Variants in IL1RAPL2 observed in about 807,000 individuals in gnomAD.
IL1RAPL2 encodes interleukin 1 receptor accessory protein like 2.
A neutral mutation model predicts 44.1 loss-of-function variants in IL1RAPL2; 3 were observed. The observed-to-expected ratio is 0.07, with a 90% CI of 0.03 to 0.18. The LOEUF is 0.18. Among genes scored for constraint, IL1RAPL2 ranks in the 10% least tolerant of loss-of-function variants. The pLI is 1.00. For missense variants in IL1RAPL2, 391 were observed against 496.4 expected, an observed-to-expected ratio of 0.79 and a Z score of 2.02; for synonymous variants, 181 against 178.8, an observed-to-expected ratio of 1.01 and a Z score of -0.10.
intron 5 of IL1RAPL2, among the ~76,000 whole-genome samples, chrX:105,324,231 A>G (rs1326712056): frequency 9.0e-6 from 1 of 110,874 alleles, no homozygotes; most frequent in African/African-American, 3.3e-5. Context: ...GTGAATAGAA[A>G]TGGAGTACAG....
chrX:105,454,917 G>A (rs1214933758), intron 5 of IL1RAPL2, among the ~76,000 whole-genome samples: 1 of 102,093 alleles, frequency 9.8e-6, no homozygotes, highest in East Asian at 3.1e-4. Context: ...ACTGCCCACA[G>A]CCCAGACTAC....
intron 2 of IL1RAPL2, among the ~76,000 whole-genome samples, chrX:104,934,163 T>C (rs1325367508): frequency 2.7e-5 from 3 of 111,566 alleles, no homozygotes. Context: ...AAATTTTCTT[T>C]TTTGAGGAAA....
chrX:104,655,878 G>T (rs1036459828), intron 1 of IL1RAPL2, among the ~76,000 whole-genome samples: 1 of 111,268 alleles, frequency 9.0e-6, no homozygotes, highest in African/African-American at 3.3e-5. Flanking sequence ...CAGAGATTCA[G>T]CTTCTTCCTG....
chrX:104,856,599 A>C, intron 2 of IL1RAPL2, among the ~76,000 whole-genome samples: 1 of 111,868 alleles, frequency 8.9e-6, no homozygotes, highest in Middle Eastern at 4.6e-3. Context: ...ATGTATACTT[A>C]ATCCTGGAAC....
chrX:105,267,367 T>C (rs756673162), intron 4 of IL1RAPL2, 21 bp from the exon 5 acceptor site: 18 of 1,180,569 alleles, frequency 1.5e-5, no homozygotes, highest in Non-Finnish European at 1.7e-5. Context: ...TTTTGCTTAC[T>C]TGCAAATATT....
At chrX:104,960,342 TAGAG>T (rs750085962) in intron 2 of IL1RAPL2, among the ~76,000 whole-genome samples, 2 of 111,913 alleles carry the variant, frequency 1.8e-5, no homozygotes, top group East Asian at 5.7e-4. Flanking sequence ...AAAACAGACA[TAGAG>T]AGGTTAACTG....
intron 6 of IL1RAPL2, among the ~76,000 whole-genome samples, chrX:105,546,630 T>A (rs1201704530): frequency 9.0e-6 from 1 of 111,358 alleles, no homozygotes; most frequent in Non-Finnish European, 1.9e-5. Flanking sequence ...TCTAGGAGGA[T>A]CTGCTGAAAA....
chrX:105,046,821 CTT>C (rs5903258), intron 2 of IL1RAPL2, among the ~76,000 whole-genome samples: 2 of 76,831 alleles, frequency 2.6e-5, no homozygotes, highest in Non-Finnish European at 2.4e-5. Context: ...AAGCACTAAC[CTT>C]TTTTTTTTTT....
intron 2 of IL1RAPL2, among the ~76,000 whole-genome samples, chrX:104,670,550 A>G (rs999123188): frequency 4.7e-5 from 5 of 107,068 alleles, no homozygotes; most frequent in African/African-American, 1.7e-4. Context: ...CAACAAGTTG[A>G]TACCTAATAT....
Position 105,267,371 on chromosome X carries a change from A to G in IL1RAPL2, c.544-17A>G, listed in dbSNP as rs1417940441. ...GAAATTCTATTTTTTGCTTACTTGCAAATATTTTATCTGCAGGAATGCAAG... is the reference window on the plus strand; with the variant it reads ...GAAATTCTATTTTTTGCTTACTTGCGAATATTTTATCTGCAGGAATGCAAG... On this transcript the variant is annotated splice_polypyrimidine_tract_variant and intron_variant, in intron 4 of 10. Coordinates refer to ENST00000372582, the MANE Select transcript of IL1RAPL2 (RefSeq NM_017416.2). 1 of 1,185,579 alleles carries G rather than the reference A, an allele frequency of 8.4e-7. No individual in the cohort carries two copies. The highest frequency in any genetic ancestry group is 1.8e-5 in the African/African-American group (1 of 55,936).
chrX:104,740,565 C>G (rs1932085307), intron 2 of IL1RAPL2, among the ~76,000 whole-genome samples: 2 of 110,213 alleles, frequency 1.8e-5, no homozygotes, highest in South Asian at 7.7e-4. Flanking sequence ...TTATGAAAAC[C>G]CATTTATTCT....
chrX:104,871,195 G>A (rs757337423), intron 2 of IL1RAPL2, among the ~76,000 whole-genome samples: 3 of 111,198 alleles, frequency 2.7e-5, no homozygotes, highest in Non-Finnish European at 5.7e-5. Context: ...TCACCAAATC[G>A]GACTAATTGG....
chrX:104,600,246 G>T (rs974041081), intron 1 of IL1RAPL2, among the ~76,000 whole-genome samples: 3 of 111,748 alleles, frequency 2.7e-5, no homozygotes, highest in African/African-American at 9.8e-5. Context: ...TCTTTGACAT[G>T]TAACCTAACA....
chrX:104,946,343 G>A (rs1207674036), intron 2 of IL1RAPL2, among the ~76,000 whole-genome samples: 4 of 75,141 alleles, frequency 5.3e-5, no homozygotes, highest in Admixed American at 3.8e-4. Flanking sequence ...ACTGCAGTCC[G>A]CAGTCTGGCC....
At chrX:104,916,413 T>C (rs11148721) in intron 2 of IL1RAPL2, among the ~76,000 whole-genome samples, 1 of 111,932 alleles carries the variant, frequency 8.9e-6, no homozygotes, top group Admixed American at 9.5e-5. Context: ...TTTTGTACAT[T>C]GATTTTGTAT....
chrX:104,819,259 T>C (rs919558995), intron 2 of IL1RAPL2, among the ~76,000 whole-genome samples: 4 of 112,384 alleles, frequency 3.6e-5, no homozygotes, highest in African/African-American at 1.3e-4. Context: ...TCCCAACTTA[T>C]GATGGTTCAA....
At chrX:104,642,986 G>A (rs758695187) in intron 1 of IL1RAPL2, among the ~76,000 whole-genome samples, 1 of 111,901 alleles carries the variant, frequency 8.9e-6, no homozygotes, top group Non-Finnish European at 1.9e-5. Flanking sequence ...TGTATTTTCT[G>A]AGATAGGTAA....
chrX:105,470,562 C>T (rs1443067236), intron 5 of IL1RAPL2, among the ~76,000 whole-genome samples: 1 of 111,896 alleles, frequency 8.9e-6, no homozygotes, highest in Non-Finnish European at 1.9e-5. Flanking sequence ...AGCCTGAAAA[C>T]CCAGCCACCC....
chrX:104,737,790 C>G (rs145504195), intron 2 of IL1RAPL2, among the ~76,000 whole-genome samples: 2 of 111,967 alleles, frequency 1.8e-5, no homozygotes, highest in East Asian at 5.7e-4. Flanking sequence ...TGGCTTTGCT[C>G]TTTTTCTTGT....
Sources: gnomAD v4.1 joint callset for allele counts (sites outside exome capture counted in the v4.1 genomes callset) on GRCh38, gnomAD v4.1.1 for gene constraint, MANE v1.5 for transcripts, NCBI Gene and HGNC (gene_info 2026-07-23, HGNC 2026-07-21) for gene names.